The following KDM4B variants were observed in gnomAD, a reference collection of about 807,000 sequenced individuals.
The protein encoded by KDM4B is lysine demethylase 4B.
KDM4B carries 32 observed loss-of-function variants against 125.2 expected under a neutral mutation model. That is an observed-to-expected ratio of 0.26 (90% CI 0.19 to 0.34). KDM4B has a LOEUF of 0.34. KDM4B is among the 10% of genes least tolerant of loss of function. KDM4B has a pLI of 1.00. For missense variants in KDM4B, 1,190 were observed against 1,577.7 expected, an observed-to-expected ratio of 0.75 and a Z score of 4.16; for synonymous variants, 721 against 677.9, an observed-to-expected ratio of 1.06 and a Z score of -0.99.
chr19:4,987,796 G>C (rs945968299), intron 1 of KDM4B, among the ~76,000 whole-genome samples: 2 of 152,188 alleles, frequency 1.3e-5, no homozygotes, highest in African/African-American at 4.8e-5. Flanking sequence ...GGAAACTCCA[G>C]GCGTCGCCCA....
intron 7 of KDM4B, among the ~76,000 whole-genome samples, chr19:5,073,751 G>A (rs1447536755): frequency 2.0e-5 from 3 of 152,180 alleles, no homozygotes; most frequent in African/African-American, 7.2e-5. Context: ...AGAGGGCTCA[G>A]TGCCTGGGCT....
intron 10 of KDM4B, among the ~76,000 whole-genome samples, chr19:5,116,905 C>T (rs918888433): frequency 2.3e-4 from 35 of 152,170 alleles, no homozygotes; most frequent in African/African-American, 7.5e-4. Context: ...ACACCTGTGC[C>T]GGGAGCCAGA....
chr19:5,019,284 A>G (rs1471522843), intron 2 of KDM4B, among the ~76,000 whole-genome samples: 97 of 44,286 alleles, frequency 2.2e-3, no homozygotes, highest in Non-Finnish European at 2.5e-3. Context: ...TGGTGTGGAC[A>G]TTGGTGTGCA....
intron 8 of KDM4B, 144 bp downstream of exon 8, chr19:5,077,614 A>G (rs1179122714): frequency 1.4e-5 from 9 of 661,740 alleles, no homozygotes; most frequent in East Asian, 8.2e-5. Flanking sequence ...GGAGGGCCGC[A>G]TGGCTCAGCA....
chr19:5,064,705 C>T (rs1433241449), intron 6 of KDM4B, among the ~76,000 whole-genome samples: 1 of 152,196 alleles, frequency 6.6e-6, no homozygotes. Flanking sequence ...AGGTGAGGGC[C>T]ACAGAGTCCT....
At chr19:5,137,904 C>A in intron 17 of KDM4B, 58 bp from the exon 18 acceptor site, 1 of 1,457,880 alleles carries the variant, frequency 6.9e-7, no homozygotes, top group Non-Finnish European at 9.4e-7. Context: ...CCCAGCCCCT[C>A]TGTGACCAGC....
At chr19:5,041,077 G>C in intron 4 of KDM4B, 60 bp from the exon 5 acceptor site, 1 of 1,144,416 alleles carries the variant, frequency 8.7e-7, no homozygotes, top group Non-Finnish European at 1.3e-6. Flanking sequence ...GGTGGCTGAG[G>C]GTGGGCTGCG....
intron 1 of KDM4B, among the ~76,000 whole-genome samples, chr19:4,984,210 G>A (rs184730717): frequency 3.2e-4 from 48 of 152,328 alleles, no homozygotes; most frequent in Non-Finnish European, 1.5e-4. Flanking sequence ...CCAGAGTGGC[G>A]CTGGCCAGGT....
chr19:5,043,599 A>G (rs1369079488), intron 5 of KDM4B, among the ~76,000 whole-genome samples: 3 of 136,886 alleles, frequency 2.2e-5, no homozygotes, highest in Non-Finnish European at 4.6e-5. Flanking sequence ...GGGGGTGTCC[A>G]CCATATCCTG....
chr19:5,122,303 G>A (rs914646697), intron 11 of KDM4B, among the ~76,000 whole-genome samples: 2 of 152,128 alleles, frequency 1.3e-5, no homozygotes, highest in African/African-American at 4.8e-5. Context: ...CCTTCTACCC[G>A]GTGAGGACCC....
At chr19:5,094,155 G>A (rs1416664699) in intron 9 of KDM4B, among the ~76,000 whole-genome samples, 4 of 152,216 alleles carry the variant, frequency 2.6e-5, no homozygotes, top group Non-Finnish European at 5.9e-5. Flanking sequence ...CTGTCTTTGT[G>A]TCCTCTTGTC....
At chr19:5,040,260 C>G (rs1165600749) in intron 4 of KDM4B, among the ~76,000 whole-genome samples, 3 of 152,140 alleles carry the variant, frequency 2.0e-5, no homozygotes, top group East Asian at 3.9e-4. Context: ...GGGCGGTGTC[C>G]TGGTCCCCGG....
intron 5 of KDM4B, among the ~76,000 whole-genome samples, chr19:5,043,115 G>A (rs1340840023): frequency 6.6e-6 from 1 of 151,628 alleles, no homozygotes; most frequent in Non-Finnish European, 1.5e-5. Context: ...CCCGCACGGC[G>A]TTTATCGGAG....
intron 6 of KDM4B, among the ~76,000 whole-genome samples, chr19:5,062,061 TC>T (rs1426671804): frequency 6.6e-6 from 1 of 152,178 alleles, no homozygotes; most frequent in African/African-American, 2.4e-5. Flanking sequence ...GCTCTGGGAC[TC>T]CCGTTTCTCC....
chr19:4,986,484 G>A (rs1470523054), intron 1 of KDM4B, among the ~76,000 whole-genome samples: 1 of 152,200 alleles, frequency 6.6e-6, no homozygotes, highest in East Asian at 1.9e-4. Flanking sequence ...GCAGAAGACA[G>A]CGAAGGCACC....
In KDM4B at chr19:5,137,608, C is replaced by T. The variant is rs762452380; in HGVS notation, c.2386-13C>T. On this transcript the variant is annotated splice_polypyrimidine_tract_variant and intron_variant, in intron 16 of 22. Coordinates refer to ENST00000159111, the MANE Select transcript of KDM4B (RefSeq NM_015015.3). ...CCGAGCCCTGCTCATCCAGGGCTGTCTGGTCTCCACAGGAGTGCTGCCTGT... is the reference window on the plus strand; with the variant it reads ...CCGAGCCCTGCTCATCCAGGGCTGTTTGGTCTCCACAGGAGTGCTGCCTGT... 6.2e-7 allele frequency: 1 copy of T among 1,603,208 alleles called. No individual in the cohort carries two copies. The highest frequency in any genetic ancestry group is 8.5e-7 in the Non-Finnish European group (1 of 1,177,900).
At chr19:5,057,065 T>TGTGTGTGTGTGCGCGC (rs55806859) in intron 6 of KDM4B, among the ~76,000 whole-genome samples, 1 of 128,322 alleles carries the variant, frequency 7.8e-6, no homozygotes, top group African/African-American at 3.2e-5. Context: ...TGTGTGTGTG[T>TGTGTGTGTGTGCGCGC]GCGCGCGCGC....
At chr19:4,974,930 C>T (rs2034393974) in intron 1 of KDM4B, among the ~76,000 whole-genome samples, 1 of 152,048 alleles carries the variant, frequency 6.6e-6, no homozygotes, top group Admixed American at 6.6e-5. Flanking sequence ...TTTCTTCCTC[C>T]TGCACCTGCT....
intron 6 of KDM4B, among the ~76,000 whole-genome samples, chr19:5,067,929 C>CTTGT (rs2037825072): frequency 6.6e-6 from 1 of 152,152 alleles, no homozygotes; most frequent in East Asian, 1.9e-4. Flanking sequence ...TGATGGAAAC[C>CTTGT]GAGCTCCCAG....
Sources: allele counts gnomAD v4.1 joint callset (sites outside exome capture counted in the v4.1 genomes callset), GRCh38; gene constraint gnomAD v4.1.1; transcripts MANE v1.5; gene names NCBI Gene and HGNC (gene_info 2026-07-23, HGNC 2026-07-21).